Variants in HIP1R observed in about 807,000 individuals in gnomAD.
HIP1R encodes huntingtin-interacting protein 1-related protein.
Under a neutral mutation model 144.2 loss-of-function variants are expected in HIP1R, and 135 were observed. That is an observed-to-expected ratio of 0.94 (90% CI 0.81 to 1.08). The LOEUF is 1.08. HIP1R is among the 50% of genes least tolerant of loss of function. HIP1R has a pLI of 0.00. For synonymous variants in HIP1R, 698 were observed against 612.8 expected (o/e 1.14, Z -2.05); for missense variants, 1,462 against 1,432.8 (o/e 1.02, Z -0.33).
In HIP1R at chr12:122,861,792, TG is replaced by T. The variant is rs1482414024; in HGVS notation, c.*42del. The stretch of plus-strand genomic sequence containing the variant: ...CCAGCAGGGTGGCTGGTGACAGGCC[TG>T]GGCCTCTGCAACTGCCCTGACAGGA... On this transcript the variant is annotated 3_prime_UTR_variant, in exon 32 of 32. Coordinates refer to ENST00000253083, the MANE Select transcript of HIP1R (RefSeq NM_003959.3). The T allele has an allele frequency of 6.2e-7, 1 of 1,601,798 alleles. No individual in the cohort carries two copies. The highest frequency in any genetic ancestry group is 1.1e-5 in the South Asian group (1 of 90,706).
chr12:122,854,285 T>A, intron 8 of HIP1R, 102 bp downstream of exon 8: 1 of 967,850 alleles, frequency 1.0e-6, no homozygotes, highest in Non-Finnish European at 1.4e-6. Flanking sequence ...TTTATTCATT[T>A]AAAAATGGCA....
chr12:122,849,424 G>C (rs946735846), intron 4 of HIP1R, among the ~76,000 whole-genome samples: 2 of 152,252 alleles, frequency 1.3e-5, no homozygotes, highest in African/African-American at 4.8e-5. Context: ...GGCCTGACCA[G>C]GGCGTTATCC....
rs149783711 is a variant in HIP1R, at chr12:122,840,572, G to C, written c.93+4929G>C. ...GTGCCTGGTGTGTAGTGAATGCCGT[G>C]TAAGTGTTGGCTGTTATGTTGTGTT... On this transcript the variant is annotated intron_variant, in intron 1 of 31. Transcript: ENST00000253083. The surrounding 1 kb of genome is among the most constrained non-coding windows in gnomAD (Gnocchi z 4.2). Among the ~76,000 whole-genome samples the C allele has an allele frequency of 1.4e-3, 213 of 152,342 alleles. No individual in the cohort carries two copies. The highest frequency in any genetic ancestry group is 5.0e-3 in the African/African-American group (207 of 41,570).
In HIP1R at chr12:122,856,215, C is replaced by T. The variant is rs754573262; in HGVS notation, c.1313-41C>T. The T allele has an allele frequency of 2.5e-6, 4 of 1,612,868 alleles. No homozygotes were observed. In the East Asian group the frequency reaches 6.7e-5, roughly 27 times the overall value. ...CCAAGGGTGTGTCCCCAGCCCCTGC[C>T]ACCCCACACGGGGCATCACTGCCCC... On this transcript the variant is annotated intron_variant, in intron 14 of 31. Transcript: ENST00000253083.
intron 3 of HIP1R, 25 bp from the exon 4 acceptor site, chr12:122,848,771 C>A (rs749919060): frequency 4.3e-6 from 7 of 1,612,692 alleles, no homozygotes; most frequent in East Asian, 2.2e-5. Context: ...GACACTCCCC[C>A]ACTCCCGTAT....
In HIP1R at chr12:122,854,078, C is replaced by T; in HGVS notation, c.613C>T (p.Gln205Ter). The T allele has an allele frequency of 6.2e-7, 1 of 1,613,854 alleles. No individual in the cohort carries two copies. The highest frequency in any genetic ancestry group is 8.5e-7 in the Non-Finnish European group (1 of 1,179,926). Reference protein sequence around the residue: ...RQLNTAIAVSQMSSGQCRLAP... With the variant: ...RQLNTAIAVS ...GCTCAACACGGCCATCGCCGTATCC[C>T]AGATGTCCTCAGGCCAGTGCCGCCT... Residue 205 changes from glutamine (Q) to a stop codon, truncating the protein, a stop_gained, in exon 8 of 32, where the codon CAG (glutamine) becomes TAG (stop). Coordinates refer to ENST00000253083, the MANE Select transcript of HIP1R (RefSeq NM_003959.3). LOFTEE classifies it high-confidence loss of function.
chr12:122,851,622 C>T (rs530288458), intron 7 of HIP1R, among the ~76,000 whole-genome samples: 1 of 151,784 alleles, frequency 6.6e-6, no homozygotes, highest in Non-Finnish European at 1.5e-5. Context: ...ATCACTTGAA[C>T]CTGGGCGGCG....
chr12:122,861,237 G>A (rs749779888), intron 30 of HIP1R, 45 bp downstream of exon 30: 1 of 1,613,224 alleles, frequency 6.2e-7, no homozygotes, highest in Non-Finnish European at 8.5e-7. Flanking sequence ...TCATCCCTCG[G>A]GCGAAGCCTG....
rs567799717 is a variant in HIP1R, at chr12:122,859,660, G to A, written c.2407-112G>A. 4.3e-5 allele frequency: 60 copies of A among 1,408,122 alleles called. 1 individual carries two copies. In the South Asian group the frequency reaches 6.4e-4, roughly 15 times the overall value. 87.2% of individuals were successfully genotyped at this position (1,408,122 alleles called of 1,614,324 possible). ...AGCCTCCAGACAGAGGACAGATGGC[G>A]TTTTCCAGGGGCCTGTGAGGTCAGA... is the stretch of plus-strand genomic sequence containing the variant. On this transcript the variant is annotated intron_variant, in intron 23 of 31. Coordinates refer to ENST00000253083, the MANE Select transcript of HIP1R (RefSeq NM_003959.3).
At chr12:122,851,683 T>TA (rs754548380) in intron 7 of HIP1R, among the ~76,000 whole-genome samples, 26 of 14,704 alleles carry the variant, frequency 1.8e-3, no homozygotes, top group East Asian at 3.3e-3. Context: ...GTCTCCGTCT[T>TA]AAAAAAAAAA....
Position 122,861,835 on chromosome 12 carries a change from C to T in HIP1R, c.*82C>T. 1 of 1,345,306 alleles carries T rather than the reference C, an allele frequency of 7.4e-7. No individual in the cohort carries two copies. The highest frequency in any genetic ancestry group is 1.2e-5 in the South Asian group (1 of 82,512). 83.3% of individuals were successfully genotyped at this position (1,345,306 alleles called of 1,614,324 possible). A position where few individuals can be genotyped will look rare whatever the true frequency, so the allele number is the denominator to read the frequency against. Reference sequence around the variant, plus strand: ...CTGACAGGACCGAGAGGCCTTGCCCCTCCACCTGGTGCCCAAGCCTCCCGC... The same window carrying T: ...CTGACAGGACCGAGAGGCCTTGCCCTTCCACCTGGTGCCCAAGCCTCCCGC... On this transcript the variant is annotated 3_prime_UTR_variant, in exon 32 of 32. Coordinates refer to ENST00000253083, the MANE Select transcript of HIP1R (RefSeq NM_003959.3).
rs1359583042 is a variant in HIP1R, at chr12:122,862,717, G to A, written c.*964G>A. The A allele has an allele frequency of 2.0e-5, 3 of 152,152 alleles. No individual in the cohort carries two copies. Among genetic ancestry groups the A allele is most frequent in the South Asian group, 4.1e-4 (2 of 4,820 alleles). 9.4% of individuals were successfully genotyped at this position (152,152 alleles called of 1,614,324 possible). On this transcript the variant is annotated 3_prime_UTR_variant, in exon 32 of 32. Coordinates refer to ENST00000253083, the MANE Select transcript of HIP1R (RefSeq NM_003959.3). ...ACGAATGTGTGTCCCTTGAGCCCAA[G>A]GAGAGCGGCAGGAGGGGTGGGACCA...
chr12:122,837,786 T>C (rs2135625593), intron 1 of HIP1R, among the ~76,000 whole-genome samples: 1 of 152,330 alleles, frequency 6.6e-6, no homozygotes, highest in East Asian at 1.9e-4. Context: ...GTCTTCACAG[T>C]GACTTATTGA....
In HIP1R at chr12:122,859,835, GC is replaced by G. The variant is rs34925212; in HGVS notation, c.2465+11del. 3.8e-5 allele frequency: 62 copies of G among 1,611,896 alleles called. No individual in the cohort carries two copies. In the East Asian group the frequency reaches 1.4e-3, roughly 35 times the overall value. On this transcript the variant is annotated splice_donor_region_variant and intron_variant, in intron 24 of 31. Coordinates refer to ENST00000253083, the MANE Select transcript of HIP1R (RefSeq NM_003959.3). ...GAAGCTGGAGGTGAACGAGAGGTGA[GC>G]CCCCCTTCTGTCCCCCCAGGCCCAG... is the stretch of plus-strand genomic sequence containing the variant.
chr12:122,858,861 C>A lies in HIP1R; in HGVS notation c.2074C>A (p.Leu692Met). The A allele has an allele frequency of 6.2e-7, 1 of 1,613,248 alleles. No homozygotes were observed. Among genetic ancestry groups the A allele is most frequent in the East Asian group, 2.2e-5 (1 of 44,882 alleles). Residue 692 changes from leucine (L) to methionine (M), a missense_variant, in exon 21 of 32, where the codon CTG becomes ATG. Physicochemically the swap from Leu to Met is conservative, Grantham distance 15. Coordinates refer to ENST00000253083, the MANE Select transcript of HIP1R (RefSeq NM_003959.3). ...LADASALVAA[L>M]TRFSHLAADT... is the part of the protein sequence containing the mutation. ...AGACGCCTCCGCCCTGGTGGCAGCT[C>A]TGACCCGCTTCTCCCACCTGGCTGC...
intron 1 of HIP1R, among the ~76,000 whole-genome samples, chr12:122,845,063 G>A (rs2033169560): frequency 6.6e-6 from 1 of 152,224 alleles, no homozygotes; most frequent in Non-Finnish European, 1.5e-5. Context: ...CTGGCAGTTG[G>A]ACCTGCCTCG....
At chr12:122,838,355 G>C (rs770037257) in intron 1 of HIP1R, among the ~76,000 whole-genome samples, 4 of 151,914 alleles carry the variant, frequency 2.6e-5, no homozygotes, top group Non-Finnish European at 5.9e-5. Context: ...AAATGGAGGT[G>C]ACAAACTTTT....
chr12:122,858,464 G>T, intron 20 of HIP1R, 29 bp downstream of exon 20: 1 of 1,543,816 alleles, frequency 6.5e-7, no homozygotes, highest in South Asian at 1.2e-5. Flanking sequence ...GGGCGGAGGC[G>T]GGGGCTGTGT....
rs1223156160 is a variant in HIP1R at position 122,860,043 on chromosome 12, C to G, written c.2466-4C>G. On this transcript the variant is annotated splice_polypyrimidine_tract_variant and splice_region_variant and intron_variant, in intron 24 of 31. Transcript: ENST00000253083. ...GCAGCTAAGTCTCTCCTTCTCTCCC[C>G]CAGGATCCTCAACTCCTGCACAGAC... 1.3e-6 allele frequency: 2 copies of G among 1,555,754 alleles called. No individual in the cohort carries two copies. The highest frequency in any genetic ancestry group is 2.3e-5 in the East Asian group (1 of 44,304).
Sources: allele counts gnomAD v4.1 joint callset (sites outside exome capture counted in the v4.1 genomes callset), GRCh38; gene constraint gnomAD v4.1.1; non-coding constraint Gnocchi (gnomAD v3.1); transcripts MANE v1.5; gene names NCBI Gene and HGNC (gene_info 2026-07-23, HGNC 2026-07-21).